The following PRDM2 variants were observed in gnomAD, a reference collection of about 807,000 sequenced individuals.
The protein encoded by PRDM2 is PR domain zinc finger protein 2.
A neutral mutation model predicts 130.0 loss-of-function variants in PRDM2; 30 were observed. The observed-to-expected ratio is 0.23, with a 90% CI of 0.17 to 0.31. The LOEUF (loss-of-function observed/expected upper bound fraction) is 0.31, where lower values mean the gene tolerates loss of function less well. PRDM2 is among the 10% of genes least tolerant of loss of function. The probability of loss-of-function intolerance (pLI) is 1.00; values close to 1 mark genes in which losing one functional copy is unlikely to be tolerated. For missense variants in PRDM2, 2,011 were observed against 2,108.4 expected (o/e 0.95, Z 0.90); for synonymous variants, 871 against 782.4 (o/e 1.11, Z -1.89).
At chr1:13,723,273 C>G (rs1214735168) in intron 2 of PRDM2, among the ~76,000 whole-genome samples, 1 of 152,216 alleles carries the variant, frequency 6.6e-6, no homozygotes, top group African/African-American at 2.4e-5. Flanking sequence ...ATCTCTCCTA[C>G]ATCACTCTTT....
At chr1:13,718,785 G>A (rs1018684428) in intron 2 of PRDM2, among the ~76,000 whole-genome samples, 3 of 152,000 alleles carry the variant, frequency 2.0e-5, no homozygotes, top group South Asian at 2.1e-4. Flanking sequence ...TTCTCAGATC[G>A]TAGGTATCCT....
chr1:13,717,004 A>G (rs949656709), intron 2 of PRDM2, among the ~76,000 whole-genome samples: 1 of 152,168 alleles, frequency 6.6e-6, no homozygotes, highest in East Asian at 1.9e-4. Flanking sequence ...AGCTGGGCCA[A>G]GTTTAATACA....
At chr1:13,807,803 G>T (rs554250895) in intron 8 of PRDM2, among the ~76,000 whole-genome samples, 1 of 152,302 alleles carries the variant, frequency 6.6e-6, no homozygotes, top group African/African-American at 2.4e-5. Context: ...ATTGTCTTCA[G>T]ACTAGCAAGG....
rs540925729 is a variant in PRDM2, at chr1:13,762,965, C to T, written c.512-10113C>T. On this transcript the variant is annotated intron_variant, in intron 6 of 9. Coordinates refer to ENST00000311066, the MANE Select transcript of PRDM2 (RefSeq NM_001393986.1). ...CAGCAGTGGAGCTGAGTCTGAAAAC[C>T]TGTGCTGGAATAAAAGTGCCTCATT... is the stretch of plus-strand genomic sequence containing the variant. Among the ~76,000 whole-genome samples, 42 of 152,308 alleles carry T rather than the reference C, an allele frequency of 2.8e-4. 1 individual carries two copies. In the South Asian group the frequency reaches 5.6e-3, roughly 20 times the overall value.
chr1:13,769,084 C>T (rs1644298481), intron 6 of PRDM2: 2 of 959,636 alleles, frequency 2.1e-6, no homozygotes, highest in Admixed American at 6.2e-5. Context: ...TTCCATTTCA[C>T]TTCCCTTGTG....
intron 2 of PRDM2, among the ~76,000 whole-genome samples, chr1:13,729,527 G>C (rs182962978): frequency 6.6e-6 from 1 of 152,184 alleles, no homozygotes; most frequent in Admixed American, 6.5e-5. Context: ...GAAATAAATT[G>C]TTCACATTTC....
chr1:13,711,518 A>T (rs924063192), intron 1 of PRDM2, among the ~76,000 whole-genome samples: 1 of 152,220 alleles, frequency 6.6e-6, no homozygotes, highest in Non-Finnish European at 1.5e-5. Flanking sequence ...GCTCAAAGCA[A>T]TGTTAAGTGC....
intron 8 of PRDM2, among the ~76,000 whole-genome samples, chr1:13,794,735 C>G (rs1644895541): frequency 6.6e-6 from 1 of 152,236 alleles, no homozygotes; most frequent in Non-Finnish European, 1.5e-5. Context: ...CTGATGTCCT[C>G]TCTAATCTCA....
At chr1:13,750,656 A>C (rs192300431) in intron 6 of PRDM2, among the ~76,000 whole-genome samples, 7 of 152,338 alleles carry the variant, frequency 4.6e-5, no homozygotes, top group Admixed American at 4.6e-4. Context: ...CCCGTGAAAC[A>C]GTTAGTAGGC....
At chr1:13,765,559 G>A (rs1217474639) in intron 6 of PRDM2, among the ~76,000 whole-genome samples, 1 of 151,900 alleles carries the variant, frequency 6.6e-6, no homozygotes, top group African/African-American at 2.4e-5. Context: ...TCCGCCTCCT[G>A]GGTTCAAGCG....
chr1:13,711,847 A>G (rs1642379859), intron 1 of PRDM2, among the ~76,000 whole-genome samples: 1 of 152,098 alleles, frequency 6.6e-6, no homozygotes, highest in African/African-American at 2.4e-5. Flanking sequence ...CCCCACACAG[A>G]TATATAGTGA....
chr1:13,803,129 G>A lies in PRDM2; in HGVS notation c.5037-13298G>A, dbSNP rs1645034279. Among the ~76,000 whole-genome samples the A allele has an allele frequency of 6.6e-6, 1 of 152,226 alleles. No individual in the cohort carries two copies. The highest frequency in any genetic ancestry group is 2.4e-5 in the African/African-American group (1 of 41,468). Reference sequence around the variant, plus strand: ...GCTGGGGAGGCCTGAGGGCTGTAGGGTTAGGTTCACAGAACTGTCGTAAAA... The same window carrying A: ...GCTGGGGAGGCCTGAGGGCTGTAGGATTAGGTTCACAGAACTGTCGTAAAA... On this transcript the variant is annotated intron_variant, in intron 8 of 9. Coordinates refer to ENST00000311066, the MANE Select transcript of PRDM2 (RefSeq NM_001393986.1). The surrounding 1 kb of genome is among the most constrained non-coding windows in gnomAD (Gnocchi z 6.2).
rs781549621 is a variant in PRDM2 at position 13,749,336 on chromosome 1, G to A, written c.385-25G>A. ...AACAACCGCCGCTCTGATTGGCCCG[G>A]CGCTTGTCTCTTCTCTCCCCGCAGC... On this transcript the variant is annotated intron_variant, in intron 5 of 9. Transcript: ENST00000311066. 8.9e-6 allele frequency: 13 copies of A among 1,463,732 alleles called. No individual in the cohort carries two copies. In the East Asian group the frequency reaches 9.5e-5, roughly 11 times the overall value. The allele number at this position is 1,463,732 out of a possible 1,614,324, so 90.7% of individuals were successfully genotyped here. A position where few individuals can be genotyped will look rare whatever the true frequency, so the allele number is the denominator to read the frequency against.
At chr1:13,717,089 G>A (rs1642566361) in intron 2 of PRDM2, among the ~76,000 whole-genome samples, 1 of 152,104 alleles carries the variant, frequency 6.6e-6, no homozygotes, top group Non-Finnish European at 1.5e-5. Flanking sequence ...TATCAGAAAT[G>A]TTTATTTTAA....
At chr1:13,769,002 A>G (rs779741973) in intron 6 of PRDM2, 1 of 394,302 alleles carries the variant, frequency 2.5e-6, no homozygotes, top group Non-Finnish European at 3.5e-6. Flanking sequence ...TCAATTTCTC[A>G]TCTTGATGTA....
intron 9 of PRDM2, among the ~76,000 whole-genome samples, chr1:13,822,643 C>T (rs1247742281): frequency 6.6e-6 from 1 of 152,006 alleles, no homozygotes; most frequent in African/African-American, 2.4e-5. Flanking sequence ...CTGCTCGCCT[C>T]GGCCTCCCAA....
At position 13,778,656 on chromosome 1, in the gene PRDM2, T is replaced by G. The variant is rs776571519; in HGVS notation, c.861T>G (p.Asp287Glu). The change falls in exon 8 of 10, where the codon GAT becomes GAG. Residue 287 changes from aspartate (D) to glutamate (E), a missense_variant. Asp to Glu is a conservative substitution (Grantham distance 45). Around this residue, in one of 5 missense-constraint regions of PRDM2, gnomAD observed 1,288 missense variants for 1,237.7 expected, o/e 1.04. Coordinates refer to ENST00000311066, the MANE Select transcript of PRDM2 (RefSeq NM_001393986.1). Reference protein sequence around the residue: ...DEEEEEDDDDDELEDEGEEEA... With the variant: ...DEEEEEDDDDEELEDEGEEEA... ...AAGAAGAAGAAGATGATGATGATGA[T>G]GAGTTGGAAGACGAGGGGGAAGAAG... 2 of 1,612,940 alleles carry G rather than the reference T, an allele frequency of 1.2e-6. No homozygotes were observed. The highest frequency in any genetic ancestry group is 8.5e-7 in the Non-Finnish European group (1 of 1,179,172).
chr1:13,712,001 TA>T lies in PRDM2; in HGVS notation c.-65-3539del, dbSNP rs112693743. 4.8e-4 allele frequency among the ~76,000 whole-genome samples: 73 copies of T among 150,584 alleles called. 2 individuals carry two copies. The highest frequency in any genetic ancestry group is 1.8e-3 in the African/African-American group (72 of 40,956). On this transcript the variant is annotated intron_variant, in intron 1 of 9. Coordinates refer to ENST00000311066, the MANE Select transcript of PRDM2 (RefSeq NM_001393986.1). Reference sequence around the variant, plus strand: ...TCTGAATTTTATTCTAACCTTTTTTTATTAAGAAAAAGATGATAGCCTGGGT... The same window carrying T: ...TCTGAATTTTATTCTAACCTTTTTTTTTAAGAAAAAGATGATAGCCTGGGT...
intron 6 of PRDM2, among the ~76,000 whole-genome samples, chr1:13,764,291 G>T (rs547346969): frequency 2.6e-5 from 4 of 151,960 alleles, no homozygotes; most frequent in African/African-American, 9.7e-5. Flanking sequence ...TAGTTGCCTC[G>T]TCACTATTTA....
Sources: allele counts gnomAD v4.1 joint callset (sites outside exome capture counted in the v4.1 genomes callset), GRCh38; gene constraint gnomAD v4.1.1; regional missense constraint gnomAD v4.1.1; non-coding constraint Gnocchi (gnomAD v3.1); transcripts MANE v1.5; gene names NCBI Gene and HGNC (gene_info 2026-07-23, HGNC 2026-07-21).